Variants in CLTC observed in about 807,000 individuals in gnomAD.
CLTC encodes clathrin heavy chain 1.
Under a neutral mutation model 195.8 loss-of-function variants are expected in CLTC, and 16 were observed. The ratio of observed to expected loss-of-function variants is 0.08; its 90% CI spans 0.06 to 0.12. CLTC has a LOEUF of 0.12. Among genes scored for constraint, CLTC ranks in the 10% least tolerant of loss-of-function variants. The pLI is 1.00. For synonymous variants in CLTC, 667 were observed against 689.4 expected, an observed-to-expected ratio of 0.97 and a Z score of 0.51; for missense variants, 796 against 2,027.0, an observed-to-expected ratio of 0.39 and a Z score of 11.66.
intron 2 of CLTC, among the ~76,000 whole-genome samples, chr17:59,645,714 G>A (rs1479980151): frequency 6.6e-6 from 1 of 152,072 alleles, no homozygotes; most frequent in East Asian, 1.9e-4. Context: ...GGTAGGACTA[G>A]GATATTCAAA....
chr17:59,664,632 G>A, intron 9 of CLTC, 155 bp from the exon 10 acceptor site: 1 of 569,924 alleles, frequency 1.8e-6, no homozygotes, highest in East Asian at 3.3e-5. Flanking sequence ...GTTCAAATAT[G>A]TCATCACCAA....
chr17:59,674,209 A>C (rs1442810779), intron 15 of CLTC, among the ~76,000 whole-genome samples: 1 of 152,182 alleles, frequency 6.6e-6, no homozygotes, highest in African/African-American at 2.4e-5. Flanking sequence ...ATTATTGAAA[A>C]AGTTGGGTGG....
intron 30 of CLTC, among the ~76,000 whole-genome samples, chr17:59,688,047 TTG>T (rs1177704991): frequency 6.6e-6 from 1 of 152,136 alleles, no homozygotes; most frequent in Non-Finnish European, 1.5e-5. Context: ...GTAAAATGCA[TTG>T]TGTGTGAGAC....
intron 18 of CLTC, among the ~76,000 whole-genome samples, chr17:59,680,530 TG>T (rs1306229048): frequency 6.6e-6 from 1 of 151,804 alleles, no homozygotes; most frequent in Non-Finnish European, 1.5e-5. Context: ...GTTGTGGGGG[TG>T]GGGGCGATGG....
At chr17:59,693,704 C>T (rs1222337940) in intron 31 of CLTC, 24 bp from the exon 32 acceptor site, 8 of 1,604,982 alleles carry the variant, frequency 5.0e-6, no homozygotes, top group Admixed American at 3.4e-5. Flanking sequence ...GCCCCCTGCT[C>T]CTTTTTGTTT....
At chr17:59,674,497 C>G in intron 15 of CLTC, 1 of 525,018 alleles carries the variant, frequency 1.9e-6, no homozygotes, top group Admixed American at 3.6e-5. Flanking sequence ...CTTATTAAAC[C>G]ATGAAGTCTT....
chr17:59,672,012 A>AGTAC (rs2032858160), intron 14 of CLTC, among the ~76,000 whole-genome samples: 1 of 152,192 alleles, frequency 6.6e-6, no homozygotes, highest in South Asian at 2.1e-4. Flanking sequence ...CTGTATCTCC[A>AGTAC]GTACCTAAGA....
rs1160318590 is a variant in CLTC, at chr17:59,661,546, A to G, written c.1271A>G (p.Gln424Arg). The change falls in exon 8 of 32, where the codon CAG (glutamine) becomes CGG (arginine). Residue 424 changes from glutamine to arginine, a missense_variant. Physicochemically the swap from Gln to Arg is conservative, Grantham distance 43 (BLOSUM62 1). This residue lies in a region of CLTC where 293 missense variants were observed against 795.6 expected (regional missense o/e 0.37). Coordinates refer to ENST00000269122, the MANE Select transcript of CLTC (RefSeq NM_004859.4). Reference sequence around the variant, plus strand: ...CAGTACTTTGGTATCCTTTTGGACCAGGGACAGCTCAACAAATACGAATCC... The same window carrying G: ...CAGTACTTTGGTATCCTTTTGGACCGGGGACAGCTCAACAAATACGAATCC... Reference protein sequence around the residue: ...LLQYFGILLDQGQLNKYESLE... With the variant: ...LLQYFGILLDRGQLNKYESLE... 1 of 1,614,158 alleles carries G rather than the reference A, an allele frequency of 6.2e-7. No homozygotes were observed.
intron 10 of CLTC, 105 bp from the exon 11 acceptor site, chr17:59,665,998 A>G: frequency 3.7e-6 from 3 of 815,834 alleles, no homozygotes; most frequent in South Asian, 2.0e-5. Context: ...AAGTGTTTAT[A>G]TTGTCCAAAT....
At position 59,696,630 on chromosome 17, in the gene CLTC, A is replaced by C. The variant is rs2033433491; in HGVS notation, c.*2778A>C. On this transcript the variant is annotated 3_prime_UTR_variant, in exon 32 of 32. Transcript: ENST00000269122. Reference sequence around the variant, plus strand: ...CTGGTATAACATAGTAATTATTAGGATTGTATCAAGTGTATCTAAAGATCA... The same window carrying C: ...CTGGTATAACATAGTAATTATTAGGCTTGTATCAAGTGTATCTAAAGATCA... 4.7e-6 allele frequency: 1 copy of C among 212,620 alleles called. No individual in the cohort carries two copies. Among genetic ancestry groups the C allele is most frequent in the Non-Finnish European group, 9.5e-6 (1 of 105,184 alleles). The allele number at this position is 212,620 out of a possible 1,614,324, so 13.2% of individuals were successfully genotyped here. A position where few individuals can be genotyped will look rare whatever the true frequency, so the allele number is the denominator to read the frequency against.
intron 30 of CLTC, chr17:59,686,983 T>C (rs1333323469): frequency 1.7e-5 from 17 of 988,594 alleles, no homozygotes; most frequent in Non-Finnish European, 2.0e-5. Context: ...AAGCTGCACC[T>C]TCTGAATTCC....
intron 2 of CLTC, 56 bp downstream of exon 2, chr17:59,644,539 GTTTTTT>G (rs748545396): frequency 3.5e-6 from 4 of 1,136,754 alleles, no homozygotes; most frequent in African/African-American, 4.0e-5. Context: ...GTTTTTTTTT[GTTTTTT>G]TTTTGTTTGT....
At chr17:59,679,680 ACATT>A in intron 18 of CLTC, 161 bp downstream of exon 18, 1 of 431,122 alleles carries the variant, frequency 2.3e-6, no homozygotes, top group South Asian at 6.9e-5. Flanking sequence ...TATTCAATTT[ACATT>A]CATTTGTATA....
intron 30 of CLTC, among the ~76,000 whole-genome samples, chr17:59,687,978 T>C (rs557082602): frequency 6.6e-6 from 1 of 152,218 alleles, no homozygotes; most frequent in South Asian, 2.1e-4. Flanking sequence ...TGGGGGACAA[T>C]GCCTTGGGAT....
intron 14 of CLTC, among the ~76,000 whole-genome samples, chr17:59,672,329 CAG>C (rs1216437880): frequency 2.0e-5 from 3 of 152,018 alleles, no homozygotes; most frequent in African/African-American, 7.2e-5. Context: ...TTATTTGCCA[CAG>C]AAATTTTAAC....
chr17:59,690,965 G>T, intron 31 of CLTC: 1 of 383,708 alleles, frequency 2.6e-6, no homozygotes, highest in South Asian at 5.5e-5. Flanking sequence ...CTATCATCTG[G>T]TCCCTCACGC....
Position 59,685,300 on chromosome 17 carries a change from A to C in CLTC, c.4605+74A>C. The stretch of plus-strand genomic sequence containing the variant: ...GTGTTACAAGTGATTATAATCTATA[A>C]ATAAAAGTATTGGTTTTGTGAATAT... On this transcript the variant is annotated intron_variant, in intron 29 of 31. Coordinates refer to ENST00000269122, the MANE Select transcript of CLTC (RefSeq NM_004859.4). The surrounding 1 kb of genome is among the most constrained non-coding windows in gnomAD (Gnocchi z 5.0). The C allele has an allele frequency of 2.2e-6, 3 of 1,379,420 alleles. No homozygotes were observed. Among genetic ancestry groups the C allele is most frequent in the Non-Finnish European group, 2.9e-6 (3 of 1,025,420 alleles). 85.4% of individuals were successfully genotyped at this position (1,379,420 alleles called of 1,614,324 possible). A position where few individuals can be genotyped will look rare whatever the true frequency, so the allele number is the denominator to read the frequency against.
Position 59,664,950 on chromosome 17 carries a change from T to A in CLTC, c.1644+41T>A, listed in dbSNP as rs762892140. 1.6e-5 allele frequency: 26 copies of A among 1,607,100 alleles called. No individual in the cohort carries two copies. The East Asian group carries it at 5.6e-4, about 35-fold the overall frequency. ...TATATTTTGTAGAAGCTGATTGAAA[T>A]GGAGAGTGGGGGCCAGCCATGGTGG... On this transcript the variant is annotated intron_variant, in intron 10 of 31. Coordinates refer to ENST00000269122, the MANE Select transcript of CLTC (RefSeq NM_004859.4).
rs1298938547 is a variant in CLTC at position 59,696,506 on chromosome 17, ATCC to A, written c.*2659_*2661del. On this transcript the variant is annotated 3_prime_UTR_variant, in exon 32 of 32. Transcript: ENST00000269122. Reference sequence around the variant, plus strand: ...ACTGATTTTAGAAATTACTGTCAGTATCCTCCTAAAAGAAGGCTTAAATAGTTT... The same window carrying A: ...ACTGATTTTAGAAATTACTGTCAGTATCCTAAAAGAAGGCTTAAATAGTTT... 8 of 180,992 alleles carry A rather than the reference ATCC, an allele frequency of 4.4e-5. No individual in the cohort carries two copies. The highest frequency in any genetic ancestry group is 7.3e-5 in the Non-Finnish European group (7 of 95,938). The allele number at this position is 180,992 out of a possible 1,614,324, so 11.2% of individuals were successfully genotyped here.
Sources: gnomAD v4.1 joint callset for allele counts (sites outside exome capture counted in the v4.1 genomes callset) on GRCh38, gnomAD v4.1.1 for gene constraint, gnomAD v4.1.1 regional missense constraint, Gnocchi (gnomAD v3.1) non-coding constraint, MANE v1.5 for transcripts, NCBI Gene and HGNC (gene_info 2026-07-23, HGNC 2026-07-21) for gene names.